The following PDXDC1 variants were observed in gnomAD, a reference collection of about 807,000 sequenced individuals.
The protein encoded by PDXDC1 is pyridoxal-dependent decarboxylase domain-containing protein 1.
In PDXDC1, 42 loss-of-function variants were observed where a neutral mutation model predicts 100.1. The ratio of observed to expected loss-of-function variants is 0.42; its 90% CI spans 0.33 to 0.54. The LOEUF is 0.54. Ranked by LOEUF, PDXDC1 falls within the 20% of genes least tolerant of loss-of-function variation. The probability of loss-of-function intolerance (pLI) is 0.10; values close to 1 mark genes in which losing one functional copy is unlikely to be tolerated. For synonymous variants in PDXDC1, 260 were observed against 371.7 expected (o/e 0.70, Z 3.46); for missense variants, 636 against 979.2 (o/e 0.65, Z 4.68).
intron 16 of PDXDC1, chr16:15,076,324 A>G: frequency 1.7e-6 from 1 of 596,648 alleles, no homozygotes. Flanking sequence ...TGAAAGTTAC[A>G]AGAACAAAAG....
intron 1 of PDXDC1, among the ~76,000 whole-genome samples, chr16:14,978,228 C>T (rs1355532150): frequency 7.2e-5 from 11 of 152,420 alleles, no homozygotes; most frequent in Middle Eastern, 3.4e-3. Flanking sequence ...GGCTTTGCCC[C>T]TGCCCCCCAC....
chr16:14,993,647 G>A (rs1567631576), intron 1 of PDXDC1, among the ~76,000 whole-genome samples: 2 of 152,288 alleles, frequency 1.3e-5, no homozygotes, highest in Non-Finnish European at 2.9e-5. Flanking sequence ...TAATCCTTTG[G>A]GTATATACCC....
At chr16:14,977,958 AAAAC>A (rs1366203922) in intron 1 of PDXDC1, among the ~76,000 whole-genome samples, 2 of 152,284 alleles carry the variant, frequency 1.3e-5, no homozygotes, top group Non-Finnish European at 2.9e-5. Flanking sequence ...TGAAAAAACA[AAAAC>A]AAAATGTAGT....
intron 16 of PDXDC1, among the ~76,000 whole-genome samples, chr16:15,111,627 G>A (rs1000431873): frequency 3.4e-5 from 5 of 146,160 alleles, no homozygotes; most frequent in African/African-American, 7.4e-5. Context: ...GCATGGTGGC[G>A]CACGCCTGTA....
chr16:15,096,094 CA>C (rs2046346854), intron 16 of PDXDC1, among the ~76,000 whole-genome samples: 1 of 151,762 alleles, frequency 6.6e-6, no homozygotes, highest in African/African-American at 2.4e-5. Context: ...TAAAATACAG[CA>C]ATTTGGTTTT....
chr16:15,014,713 T>C (rs1234278671), intron 8 of PDXDC1, among the ~76,000 whole-genome samples: 5 of 152,278 alleles, frequency 3.3e-5, no homozygotes, highest in Admixed American at 3.3e-4. Flanking sequence ...TGAAATCTTT[T>C]TAGTTGGCTT....
chr16:15,074,897 A>C, intron 16 of PDXDC1: 1 of 1,576,552 alleles, frequency 6.3e-7, no homozygotes, highest in Non-Finnish European at 8.6e-7. Flanking sequence ...ACATTAAAAA[A>C]TTCAATGTCA....
At position 15,125,974 on chromosome 16, in the gene PDXDC1, G is replaced by C. The variant is rs1433065820; in HGVS notation, c.1400-12905G>C. 24 of 601,816 alleles carry C rather than the reference G, an allele frequency of 4.0e-5. 1 individual carries two copies. The South Asian group carries it at 4.7e-4, about 12-fold the overall frequency. The allele number at this position is 601,816 out of a possible 1,614,324, so 37.3% of individuals were successfully genotyped here. A position where few individuals can be genotyped will look rare whatever the true frequency, so the allele number is the denominator to read the frequency against. On this transcript the variant is annotated intron_variant, in intron 16 of 16. Coordinates refer to the PDXDC1 transcript ENST00000535621. ...GCACCGTCCGTGATGGCAGCCCCTC[G>C]CGACGTGTGCCACTGAACACTTGAC...
At chr16:15,043,344 A>G (rs978673987) in intron 16 of PDXDC1, among the ~76,000 whole-genome samples, 5 of 152,136 alleles carry the variant, frequency 3.3e-5, no homozygotes, top group Non-Finnish European at 5.9e-5. Flanking sequence ...CCGGATATGA[A>G]CCTTTTTTAA....
At chr16:14,978,633 C>T (rs1325454495) in intron 1 of PDXDC1, among the ~76,000 whole-genome samples, 1 of 152,296 alleles carries the variant, frequency 6.6e-6, no homozygotes, top group African/African-American at 2.4e-5. Context: ...GGGCTGAAGC[C>T]ATCCTCTTGC....
Position 15,038,015 on chromosome 16 carries a change from T to C in PDXDC1, c.*1740T>C. ...TGTCAGGCCAAGAAGGTGCTTTCTT[T>C]GGTAATTCATGTTTTTTAACTTCCT... On this transcript the variant is annotated 3_prime_UTR_variant, in exon 23 of 23. Transcript: ENST00000396410. 2 of 1,602,506 alleles carry C rather than the reference T, an allele frequency of 1.2e-6. No homozygotes were observed. The highest frequency in any genetic ancestry group is 8.5e-7 in the Non-Finnish European group (1 of 1,173,068).
At chr16:15,147,510 A>G in the PDXDC1 span, among the ~76,000 whole-genome samples, 7 of 152,130 alleles carry the variant, frequency 4.6e-5, no homozygotes, top group African/African-American at 1.7e-4. Context: ...CACCGCGGGG[A>G]GAGGGTGCGG....
At chr16:15,136,120 A>G (rs1441224388) in intron 16 of PDXDC1, 64 of 1,549,972 alleles carry the variant, frequency 4.1e-5, no homozygotes, top group South Asian at 9.0e-5. Context: ...GCCGATCCAC[A>G]CGTCTAGGCT....
At chr16:15,064,724 C>T (rs1044268531) in intron 16 of PDXDC1, among the ~76,000 whole-genome samples, 1 of 152,240 alleles carries the variant, frequency 6.6e-6, no homozygotes. Context: ...CTGCGCCACT[C>T]GGCAAGTCCT....
intron 16 of PDXDC1, among the ~76,000 whole-genome samples, chr16:15,089,159 G>C (rs2046020906): frequency 6.6e-6 from 1 of 151,938 alleles, no homozygotes; most frequent in Non-Finnish European, 1.5e-5. Flanking sequence ...AAAAAAATTA[G>C]CTGGGCATGG....
At chr16:15,099,736 T>C (rs967719156) in intron 16 of PDXDC1, among the ~76,000 whole-genome samples, 5 of 152,206 alleles carry the variant, frequency 3.3e-5, no homozygotes, top group African/African-American at 1.2e-4. Context: ...GGCCTTTCAC[T>C]TCACTGAGTA....
chr16:15,136,388 C>T (rs939627891), intron 16 of PDXDC1, among the ~76,000 whole-genome samples: 3 of 152,158 alleles, frequency 2.0e-5, no homozygotes, highest in Non-Finnish European at 2.9e-5. Flanking sequence ...GCCCCCAGCT[C>T]GCGTCCACCT....
intron 16 of PDXDC1, chr16:15,122,022 C>T (rs1033097310): frequency 1.2e-4 from 33 of 284,402 alleles, no homozygotes; most frequent in Non-Finnish European, 2.3e-4. Context: ...ACTAAAAATA[C>T]AAAAATTAGC....
intron 16 of PDXDC1, chr16:15,134,049 T>C (rs1306821010): frequency 1.3e-6 from 2 of 1,569,480 alleles, no homozygotes; most frequent in Non-Finnish European, 8.6e-7. Context: ...CAGTGTCTTG[T>C]TGCTGAACGT....
Sources: gnomAD v4.1 joint callset for allele counts (sites outside exome capture counted in the v4.1 genomes callset) on GRCh38, gnomAD v4.1.1 for gene constraint, MANE v1.5 for transcripts, NCBI Gene and HGNC (gene_info 2026-07-23, HGNC 2026-07-21) for gene names.